The following STPG2 variants were observed in gnomAD, a reference collection of about 807,000 sequenced individuals.
STPG2 encodes the protein sperm tail PG-rich repeat containing 2, also known as sperm-tail PG-rich repeat-containing protein 2.
A neutral mutation model predicts 54.2 loss-of-function variants in STPG2; 56 were observed. The observed-to-expected ratio is 1.03, with a 90% CI of 0.83 to 1.29. The LOEUF is 1.29. Ranked by LOEUF, STPG2 falls within the 50% of genes most tolerant of loss-of-function variation. The pLI is 0.00. For missense variants in STPG2, 596 were observed against 544.9 expected, an observed-to-expected ratio of 1.09 and a Z score of -0.93; for synonymous variants, 200 against 181.8, an observed-to-expected ratio of 1.10 and a Z score of -0.81.
intron 9 of STPG2, among the ~76,000 whole-genome samples, chr4:97,833,851 C>T (rs997199742): frequency 2.0e-5 from 3 of 152,044 alleles, no homozygotes; most frequent in African/African-American, 7.2e-5. Flanking sequence ...ATTAAAAAGT[C>T]AGGAAAAACA....
At chr4:98,014,788 A>G (rs542962195) in intron 5 of STPG2, among the ~76,000 whole-genome samples, 12 of 152,190 alleles carry the variant, frequency 7.9e-5, no homozygotes, top group Admixed American at 1.3e-4. Context: ...CTTGTAAGTC[A>G]GGTATAGTGG....
chr4:97,824,615 T>C (rs1728196688), intron 9 of STPG2, among the ~76,000 whole-genome samples: 1 of 152,150 alleles, frequency 6.6e-6, no homozygotes, highest in Non-Finnish European at 1.5e-5. Context: ...GAGCTTGACC[T>C]TGTAACCACG....
At chr4:97,493,056 T>C (rs1335498770) in intron 4 of STPG2, among the ~76,000 whole-genome samples, 1 of 150,704 alleles carries the variant, frequency 6.6e-6, no homozygotes, top group Non-Finnish European at 1.5e-5. Flanking sequence ...CATCCGTTTT[T>C]CAGTTCTCAG....
intron 10 of STPG2, among the ~76,000 whole-genome samples, chr4:97,638,079 C>T (rs973363590): frequency 6.6e-6 from 1 of 152,142 alleles, no homozygotes; most frequent in Non-Finnish European, 1.5e-5. Flanking sequence ...CATCACACTA[C>T]CTGACTTCAA....
chr4:97,837,057 T>TA (rs943712001), intron 9 of STPG2, among the ~76,000 whole-genome samples: 8 of 151,614 alleles, frequency 5.3e-5, no homozygotes, highest in Non-Finnish European at 8.9e-5. Context: ...TTCCCATGTT[T>TA]AAAAAAACCA....
intron 8 of STPG2, among the ~76,000 whole-genome samples, chr4:97,865,033 C>T (rs1205090912): frequency 6.6e-6 from 1 of 152,096 alleles, no homozygotes; most frequent in Non-Finnish European, 1.5e-5. Flanking sequence ...TAGACATGGG[C>T]AAGGACTTCA....
rs765141133 is a variant in STPG2 at position 97,840,857 on chromosome 4, G to T, written c.1120C>A (p.Pro374Thr). 3 of 1,612,030 alleles carry T rather than the reference G, an allele frequency of 1.9e-6. No homozygotes were observed. Among genetic ancestry groups the T allele is most frequent in the Non-Finnish European group, 2.5e-6 (3 of 1,178,684 alleles). Residue 374 changes from proline (P) to threonine (T), a missense_variant, in exon 9 of 11, where the codon CCT becomes ACT. Transcript: ENST00000295268. ...MSQVKHKYMP[P>T]RSLVAKRKHA... ...TTTCTTTTAGCCACTAAACTACGAG[G>T]TGGCATATATTTATGCTTAACTTGG...
chr4:97,584,479 A>G (rs1255393324), intron 10 of STPG2, among the ~76,000 whole-genome samples: 1 of 152,034 alleles, frequency 6.6e-6, no homozygotes, highest in Non-Finnish European at 1.5e-5. Flanking sequence ...GGAAACAGAG[A>G]AACAAGAACA....
At chr4:97,961,220 A>G (rs1010111216) in intron 7 of STPG2, among the ~76,000 whole-genome samples, 2 of 152,206 alleles carry the variant, frequency 1.3e-5, no homozygotes, top group Non-Finnish European at 2.9e-5. Flanking sequence ...AAGAACTTAA[A>G]TCTAAGATCT....
At chr4:97,915,279 C>T (rs1406936715) in intron 8 of STPG2, among the ~76,000 whole-genome samples, 3 of 152,124 alleles carry the variant, frequency 2.0e-5, no homozygotes, top group Non-Finnish European at 4.4e-5. Context: ...GTAGACGTAA[C>T]CAGCATTTAC....
chr4:97,594,804 C>G (rs942104637), intron 10 of STPG2, among the ~76,000 whole-genome samples: 2 of 152,176 alleles, frequency 1.3e-5, no homozygotes, highest in African/African-American at 2.4e-5. Flanking sequence ...AGCAGAAATT[C>G]TACAAGCCAG....
rs188011106 is a variant in STPG2 at position 98,050,878 on chromosome 4, G to A, written c.612+55075C>T. The stretch of plus-strand genomic sequence containing the variant: ...AAATTAGCCGGGCGTGGTGTCGGAC[G>A]CCTGTAGTCCCAGCTACTCGGGAGG... On this transcript the variant is annotated intron_variant, in intron 5 of 10. Transcript: ENST00000295268. 8.8e-4 allele frequency among the ~76,000 whole-genome samples: 134 copies of A among 152,020 alleles called. 1 individual carries two copies. Among genetic ancestry groups the A allele is most frequent in the African/African-American group, 3.0e-3 (126 of 41,472 alleles).
chr4:98,003,448 A>T (rs1735476698), intron 5 of STPG2, among the ~76,000 whole-genome samples: 1 of 152,028 alleles, frequency 6.6e-6, no homozygotes. Flanking sequence ...GAAAAAGTCC[A>T]AATTCCAGAC....
chr4:97,594,471 T>A (rs1412797719), intron 10 of STPG2, among the ~76,000 whole-genome samples: 1 of 152,084 alleles, frequency 6.6e-6, no homozygotes, highest in Admixed American at 6.5e-5. Flanking sequence ...GAAGAAAGAA[T>A]GAAACCTCTG....
intron 4 of STPG2, among the ~76,000 whole-genome samples, chr4:97,449,505 T>C (rs529262740): frequency 6.6e-6 from 1 of 152,310 alleles, no homozygotes; most frequent in South Asian, 2.1e-4. Context: ...CTGTGAGGAA[T>C]GTCCAACAAA....
chr4:97,577,975 T>C lies in STPG2; in HGVS notation c.1321-18858A>G, dbSNP rs1365633327. 4.6e-5 allele frequency among the ~76,000 whole-genome samples: 7 copies of C among 152,152 alleles called. No individual in the cohort carries two copies. The East Asian group carries it at 1.3e-3, about 29-fold the overall frequency. ...TAAAGTTATTATCTTTGCAGACATA[T>C]ATCCATTTTCAGAAATTTATAGAAT... On this transcript the variant is annotated intron_variant, in intron 10 of 10. Coordinates refer to ENST00000295268, the MANE Select transcript of STPG2 (RefSeq NM_174952.3).
At chr4:97,600,040 G>C (rs1009946264) in intron 10 of STPG2, among the ~76,000 whole-genome samples, 1 of 151,964 alleles carries the variant, frequency 6.6e-6, no homozygotes, top group African/African-American at 2.4e-5. Context: ...TAAACATTGA[G>C]TACACATGGA....
At chr4:97,452,540 AG>A (rs1172528610) in intron 4 of STPG2, among the ~76,000 whole-genome samples, 2 of 152,242 alleles carry the variant, frequency 1.3e-5, no homozygotes, top group East Asian at 3.9e-4. Flanking sequence ...GGCCCATAAA[AG>A]CCCCAGGCTC....
At chr4:97,591,727 T>C (rs1189675625) in intron 10 of STPG2, among the ~76,000 whole-genome samples, 1 of 152,208 alleles carries the variant, frequency 6.6e-6, no homozygotes, top group African/African-American at 2.4e-5. Flanking sequence ...ATCCAAATCA[T>C]GGTTTCCTCA....
Sources: gnomAD v4.1 joint callset for allele counts (sites outside exome capture counted in the v4.1 genomes callset) on GRCh38, gnomAD v4.1.1 for gene constraint, MANE v1.5 for transcripts, NCBI Gene and HGNC (gene_info 2026-07-23, HGNC 2026-07-21) for gene names.